Variants in ZNF286A observed in about 807,000 individuals in gnomAD.
ZNF286A encodes the protein zinc finger protein 286A.
In ZNF286A, 34 loss-of-function variants were observed where a neutral mutation model predicts 49.3. That is an observed-to-expected ratio of 0.69 (90% CI 0.52 to 0.92). The LOEUF is 0.92. Ranked by LOEUF, ZNF286A falls within the 40% of genes least tolerant of loss-of-function variation. The probability of loss-of-function intolerance (pLI) is 0.00; values close to 1 mark genes in which losing one functional copy is unlikely to be tolerated. For synonymous variants in ZNF286A, 155 were observed against 200.4 expected (o/e 0.77, Z 1.91); for missense variants, 462 against 600.2 (o/e 0.77, Z 2.41).
intron 3 of ZNF286A, among the ~76,000 whole-genome samples, chr17:15,703,911 C>T (rs1360878523): frequency 6.6e-6 from 1 of 151,976 alleles, no homozygotes; most frequent in East Asian, 1.9e-4. Flanking sequence ...AATTTTTGGG[C>T]ACTTAATCTC....
chr17:15,714,556 C>T (rs187608048), intron 5 of ZNF286A, among the ~76,000 whole-genome samples: 3 of 152,228 alleles, frequency 2.0e-5, no homozygotes, highest in African/African-American at 7.2e-5. Context: ...GTAGCTATTG[C>T]TATCATTCCT....
chr17:15,717,077 C>T lies in ZNF286A; in HGVS notation c.1353C>T (p.Ser451=). The T allele has an allele frequency of 3.1e-6, 5 of 1,614,050 alleles. No individual in the cohort carries two copies. The highest frequency in any genetic ancestry group is 4.2e-6 in the Non-Finnish European group (5 of 1,180,020). Residue 451 remains serine (S), a synonymous_variant, in exon 6 of 6, where the codon TCC becomes TCT. Transcript: ENST00000583566. ...GTGGGAAAACCTTCAGCCGGAGCTC[C>T]AATTTTGCTAAACATCAAAGAATTC... ...NECGKTFSRS[S]NFAKHQRIHI...
intron 5 of ZNF286A, 28 bp downstream of exon 5, chr17:15,708,275 A>C (rs368750829): frequency 2.1e-4 from 315 of 1,534,040 alleles, no homozygotes; most frequent in Non-Finnish European, 2.7e-4. Context: ...GAGTCTTCAT[A>C]AATGATAGCC....
chr17:15,714,076 A>G (rs936830562), intron 5 of ZNF286A, among the ~76,000 whole-genome samples: 23 of 152,136 alleles, frequency 1.5e-4, no homozygotes, highest in African/African-American at 5.3e-4. Context: ...TGCTTTACGA[A>G]TATTTCCTAT....
At chr17:15,706,643 T>C in intron 4 of ZNF286A, 142 bp downstream of exon 4, 2 of 525,998 alleles carry the variant, frequency 3.8e-6, no homozygotes, top group Non-Finnish European at 6.4e-6. Flanking sequence ...GAAAATCTGT[T>C]TTTGCTCTAG....
intron 5 of ZNF286A, among the ~76,000 whole-genome samples, chr17:15,710,339 T>G (rs1453988483): frequency 4.6e-5 from 7 of 152,224 alleles, no homozygotes; most frequent in Non-Finnish European, 8.8e-5. Flanking sequence ...TTTATCCCAG[T>G]GTCAGAAAGA....
At chr17:15,707,243 A>G (rs1238316669) in intron 4 of ZNF286A, among the ~76,000 whole-genome samples, 1 of 152,006 alleles carries the variant, frequency 6.6e-6, no homozygotes, top group African/African-American at 2.4e-5. Context: ...GATCGAGACC[A>G]TCCTGGCTAA....
At chr17:15,712,163 C>T (rs1384165622) in intron 5 of ZNF286A, among the ~76,000 whole-genome samples, 1 of 152,178 alleles carries the variant, frequency 6.6e-6, no homozygotes, top group South Asian at 2.1e-4. Flanking sequence ...TGAGCCACTG[C>T]GTCCAGCAAT....
chr17:15,706,310 C>T, intron 3 of ZNF286A, 77 bp from the exon 4 acceptor site: 1 of 1,223,040 alleles, frequency 8.2e-7, no homozygotes, highest in African/African-American at 1.5e-5. Flanking sequence ...GGCTTTTGCT[C>T]CAGGGCCAGC....
chr17:15,711,606 A>C (rs1035239735), intron 5 of ZNF286A, among the ~76,000 whole-genome samples: 1 of 152,180 alleles, frequency 6.6e-6, no homozygotes, highest in Non-Finnish European at 1.5e-5. Flanking sequence ...CAAGCTTTTT[A>C]TGTAAATGGC....
chr17:15,708,788 TATTC>T (rs1243694680), intron 5 of ZNF286A, among the ~76,000 whole-genome samples: 1 of 152,252 alleles, frequency 6.6e-6, no homozygotes, highest in Non-Finnish European at 1.5e-5. Context: ...CATCATAATT[TATTC>T]ATTATCATTG....
At chr17:15,712,746 A>G (rs961263995) in intron 5 of ZNF286A, among the ~76,000 whole-genome samples, 1 of 152,102 alleles carries the variant, frequency 6.6e-6, no homozygotes, top group Non-Finnish European at 1.5e-5. Flanking sequence ...CATTCTCAAC[A>G]TTGTAGTGAG....
chr17:15,710,346 A>G (rs974406688), intron 5 of ZNF286A, among the ~76,000 whole-genome samples: 2 of 152,182 alleles, frequency 1.3e-5, no homozygotes, highest in Non-Finnish European at 2.9e-5. Context: ...CAGTGTCAGA[A>G]AGATTATTTT....
At position 15,719,437 on chromosome 17, in the gene ZNF286A, C is replaced by G. The variant is rs919233547; in HGVS notation, c.*2147C>G. On this transcript the variant is annotated 3_prime_UTR_variant, in exon 6 of 6. Transcript: ENST00000583566. ...CACAAACAGAGCAGCTTATAAGCAACAGAAACTTACTTCTCACAGTTTTGG... is the reference window on the plus strand; with the variant it reads ...CACAAACAGAGCAGCTTATAAGCAAGAGAAACTTACTTCTCACAGTTTTGG... The G allele has an allele frequency of 6.7e-6, 1 of 148,536 alleles. No homozygotes were observed. The highest frequency in any genetic ancestry group is 1.5e-5 in the Non-Finnish European group (1 of 67,480). 9.2% of individuals were successfully genotyped at this position (148,536 alleles called of 1,614,324 possible). A position where few individuals can be genotyped will look rare whatever the true frequency, so the allele number is the denominator to read the frequency against.
At position 15,700,194 on chromosome 17, in the gene ZNF286A, A is replaced by G. The variant is rs2151445617; in HGVS notation, c.-136A>G. The G allele has an allele frequency of 1.7e-6, 1 of 575,298 alleles. No homozygotes were observed. Among genetic ancestry groups the G allele is most frequent in the Admixed American group, 3.1e-5 (1 of 31,930 alleles). 35.6% of individuals were successfully genotyped at this position (575,298 alleles called of 1,614,324 possible). A position where few individuals can be genotyped will look rare whatever the true frequency, so the allele number is the denominator to read the frequency against. On this transcript the variant is annotated 5_prime_UTR_variant, in exon 2 of 6. Coordinates refer to ENST00000583566, the MANE Select transcript of ZNF286A (RefSeq NM_001130842.2). ...GTGAGAAAGAGACCCGATCTAACCC[A>G]GGCCTTTCATCAGAGCCCAGGAGGG...
chr17:15,712,120 C>T (rs1990715142), intron 5 of ZNF286A, among the ~76,000 whole-genome samples: 1 of 152,230 alleles, frequency 6.6e-6, no homozygotes, highest in Admixed American at 6.5e-5. Flanking sequence ...GATCCGCCCT[C>T]CTTGGCCTCC....
Position 15,699,795 on chromosome 17 carries a change from A to T in ZNF286A, c.-196+18A>T. 1.4e-6 allele frequency: 1 copy of T among 702,792 alleles called. No individual in the cohort carries two copies. Among genetic ancestry groups the T allele is most frequent in the Non-Finnish European group, 2.6e-6 (1 of 384,874 alleles). The allele number at this position is 702,792 out of a possible 1,614,324, so 43.5% of individuals were successfully genotyped here. A position where few individuals can be genotyped will look rare whatever the true frequency, so the allele number is the denominator to read the frequency against. Reference sequence around the variant, plus strand: ...GATGGGAGGTGAGTTGCTTGTGGTGATGTCGCTCGTCTCGGCTCGGCCTCG... The same window carrying T: ...GATGGGAGGTGAGTTGCTTGTGGTGTTGTCGCTCGTCTCGGCTCGGCCTCG... On this transcript the variant is annotated intron_variant, in intron 1 of 5. Coordinates refer to ENST00000583566, the MANE Select transcript of ZNF286A (RefSeq NM_001130842.2).
rs1006651270 is a variant in ZNF286A, at chr17:15,719,898, G to C, written c.*2608G>C. 1 of 152,184 alleles carries C rather than the reference G, an allele frequency of 6.6e-6. No individual in the cohort carries two copies. Among genetic ancestry groups the C allele is most frequent in the African/African-American group, 2.4e-5 (1 of 41,436 alleles). The allele number at this position is 152,184 out of a possible 1,614,324, so 9.4% of individuals were successfully genotyped here. A position where few individuals can be genotyped will look rare whatever the true frequency, so the allele number is the denominator to read the frequency against. ...TAATTGGGGACAGAAAAATAAAAGA[G>C]ATGGGAAATGCTGCATCAAAATACT... is the stretch of plus-strand genomic sequence containing the variant. On this transcript the variant is annotated 3_prime_UTR_variant, in exon 6 of 6. Transcript: ENST00000583566.
In ZNF286A at chr17:15,717,126, T is replaced by C; in HGVS notation, c.1402T>C (p.Cys468Arg). ...TCATATTGGAAAGAAACCGTACAAA[T>C]GTAGCGAGTGTGGAAAAGCCTTCAT... is the stretch of plus-strand genomic sequence containing the variant. ...RIHIGKKPYK[C>R]SECGKAFIHS... The change falls in exon 6 of 6, where the codon TGT becomes CGT. Residue 468 changes from cysteine (C) to arginine (R), a missense_variant. Around this residue, in one of 3 missense-constraint regions of ZNF286A, gnomAD observed 201 missense variants for 311.3 expected, o/e 0.65. Transcript: ENST00000583566. The C allele has an allele frequency of 3.1e-6, 5 of 1,613,860 alleles. No individual in the cohort carries two copies. The highest frequency in any genetic ancestry group is 4.2e-6 in the Non-Finnish European group (5 of 1,179,954).
Sources: gnomAD v4.1 joint callset for allele counts (sites outside exome capture counted in the v4.1 genomes callset) on GRCh38, gnomAD v4.1.1 for gene constraint, gnomAD v4.1.1 regional missense constraint, MANE v1.5 for transcripts, NCBI Gene and HGNC (gene_info 2026-07-23, HGNC 2026-07-21) for gene names.